The following WDFY2 variants were observed in gnomAD, a reference collection of about 807,000 sequenced individuals.
WDFY2 encodes the protein WD repeat and FYVE domain-containing protein 2.
Under a neutral mutation model 56.4 loss-of-function variants are expected in WDFY2, and 36 were observed. That is an observed-to-expected ratio of 0.64 (90% CI 0.49 to 0.84). The LOEUF (loss-of-function observed/expected upper bound fraction) is 0.84, where lower values mean the gene tolerates loss of function less well. Among genes scored for constraint, WDFY2 ranks in the 40% least tolerant of loss-of-function variants. The pLI is 0.00. For synonymous variants in WDFY2, 176 were observed against 183.7 expected, an observed-to-expected ratio of 0.96 and a Z score of 0.34; for missense variants, 444 against 512.2, an observed-to-expected ratio of 0.87 and a Z score of 1.29.
Position 51,709,980 on chromosome 13 carries a change from A to AC in WDFY2, c.334+6330_334+6331insC, listed in dbSNP as rs1391273542. Reference sequence around the variant, plus strand: ...TACCAAAGCCTGGCAGAGACACAACAAAAAAAAAGAGAATTTTAGACCAAT... The same window carrying AC: ...TACCAAAGCCTGGCAGAGACACAACACAAAAAAAAGAGAATTTTAGACCAAT... On this transcript the variant is annotated intron_variant, in intron 4 of 11. Transcript: ENST00000298125. 3.0e-3 allele frequency among the ~76,000 whole-genome samples: 457 copies of AC among 151,470 alleles called. 3 individuals carry two copies. Among genetic ancestry groups the AC allele is most frequent in the African/African-American group, 0.011 (436 of 41,180 alleles).
At chr13:51,657,812 TTCTG>T (rs1193250856) in intron 1 of WDFY2, among the ~76,000 whole-genome samples, 1 of 152,194 alleles carries the variant, frequency 6.6e-6, no homozygotes, top group East Asian at 1.9e-4. Context: ...CTTTTGAAAT[TTCTG>T]TCTCTTTATT....
rs762205175 is a variant in WDFY2, at chr13:51,761,935, C to T, written c.*2166C>T. The stretch of plus-strand genomic sequence containing the variant: ...GCTGCCCTGGTCCAGACTACCCTTG[C>T]TTGCGTCAGTCAAAACTGTTGTAAC... On this transcript the variant is annotated 3_prime_UTR_variant, in exon 12 of 12. Coordinates refer to ENST00000298125, the MANE Select transcript of WDFY2 (RefSeq NM_052950.4). 3.9e-5 allele frequency: 6 copies of T among 152,254 alleles called. No homozygotes were observed. Among genetic ancestry groups the T allele is most frequent in the Admixed American group, 2.6e-4 (4 of 15,294 alleles). The allele number at this position is 152,254 out of a possible 1,614,324, so 9.4% of individuals were successfully genotyped here.
In WDFY2 at chr13:51,655,284, G is replaced by A. The variant is rs79531248; in HGVS notation, c.138-5312G>A. The stretch of plus-strand genomic sequence containing the variant: ...TGAGCATCCTTATTACTGATTTTAG[G>A]GAGTATGTTTTCACTTTTTATTGAG... On this transcript the variant is annotated intron_variant, in intron 1 of 11. Coordinates refer to ENST00000298125, the MANE Select transcript of WDFY2 (RefSeq NM_052950.4). Among the ~76,000 whole-genome samples the A allele has an allele frequency of 1.5e-3, 232 of 152,120 alleles. 7 individuals are homozygous for A. The East Asian group carries it at 0.041, about 27-fold the overall frequency.
At chr13:51,623,725 C>T (rs1011448353) in intron 1 of WDFY2, among the ~76,000 whole-genome samples, 1 of 152,196 alleles carries the variant, frequency 6.6e-6, no homozygotes, top group African/African-American at 2.4e-5. Flanking sequence ...CATTGGGAAG[C>T]TACCTCGTTT....
rs574997078 is a variant in WDFY2 at position 51,742,081 on chromosome 13, C to T, written c.725+2906C>T. ...ACCGGGGAGAGCAGACTGGCCTCCC[C>T]AGGATAGGGAGACTGCCTTTCCTTG... On this transcript the variant is annotated intron_variant, in intron 7 of 11. Coordinates refer to ENST00000298125, the MANE Select transcript of WDFY2 (RefSeq NM_052950.4). Among the ~76,000 whole-genome samples, 75 of 152,298 alleles carry T rather than the reference C, an allele frequency of 4.9e-4. 1 individual carries two copies. Among genetic ancestry groups the T allele is most frequent in the Non-Finnish European group, 9.1e-4 (62 of 68,014 alleles).
At chr13:51,723,558 T>C (rs1952537765) in intron 5 of WDFY2, among the ~76,000 whole-genome samples, 1 of 152,204 alleles carries the variant, frequency 6.6e-6, no homozygotes, top group African/African-American at 2.4e-5. Flanking sequence ...AACTTGCTCC[T>C]TTACCTACTC....
chr13:51,670,827 C>T (rs1466004126), intron 2 of WDFY2, among the ~76,000 whole-genome samples: 1 of 152,032 alleles, frequency 6.6e-6, no homozygotes, highest in Non-Finnish European at 1.5e-5. Flanking sequence ...GCCCCTATCA[C>T]CCGACCAGTG....
chr13:51,654,750 A>G (rs964529694), intron 1 of WDFY2, among the ~76,000 whole-genome samples: 2 of 152,196 alleles, frequency 1.3e-5, no homozygotes, highest in Admixed American at 1.3e-4. Flanking sequence ...CTAACCATCC[A>G]TATGGCACTT....
At chr13:51,670,663 T>C (rs998631140) in intron 2 of WDFY2, among the ~76,000 whole-genome samples, 3 of 152,134 alleles carry the variant, frequency 2.0e-5, no homozygotes, top group African/African-American at 4.8e-5. Context: ...TTCAGGCATA[T>C]AGGTTGTAGA....
intron 1 of WDFY2, among the ~76,000 whole-genome samples, chr13:51,658,005 GTTTA>G (rs1264593108): frequency 2.0e-5 from 3 of 152,016 alleles, no homozygotes; most frequent in Non-Finnish European, 2.9e-5. Flanking sequence ...TTTTCTGTCA[GTTTA>G]TTTGTTTTTC....
At chr13:51,690,446 T>G in intron 3 of WDFY2, among the ~76,000 whole-genome samples, 1 of 150,100 alleles carries the variant, frequency 6.7e-6, no homozygotes, top group South Asian at 2.1e-4. Flanking sequence ...ATATGTGGTG[T>G]TTGGTTTTTT....
intron 8 of WDFY2, among the ~76,000 whole-genome samples, chr13:51,754,505 C>T (rs1953317606): frequency 6.6e-6 from 1 of 152,180 alleles, no homozygotes; most frequent in Admixed American, 6.5e-5. Flanking sequence ...AGTGATTGTT[C>T]CCTCCCTTTC....
chr13:51,739,612 C>T (rs937597611), intron 7 of WDFY2, among the ~76,000 whole-genome samples: 1 of 152,196 alleles, frequency 6.6e-6, no homozygotes, highest in Non-Finnish European at 1.5e-5. Flanking sequence ...ACATTTTGTA[C>T]TTGACCAAAT....
At chr13:51,741,800 C>T (rs1017870893) in intron 7 of WDFY2, among the ~76,000 whole-genome samples, 1 of 152,192 alleles carries the variant, frequency 6.6e-6, no homozygotes, top group Admixed American at 6.5e-5. Flanking sequence ...AAGACCCCAG[C>T]TGGTAGCTTA....
intron 1 of WDFY2, 74 bp from the exon 2 acceptor site, chr13:51,660,522 T>G: frequency 6.9e-7 from 1 of 1,447,030 alleles, no homozygotes; most frequent in South Asian, 1.1e-5. Flanking sequence ...TTAAGAGATT[T>G]GTTTTCTATG....
chr13:51,631,356 A>G (rs1005106645), intron 1 of WDFY2, among the ~76,000 whole-genome samples: 10 of 151,240 alleles, frequency 6.6e-5, no homozygotes, highest in African/African-American at 2.4e-4. Flanking sequence ...GTGTCATCGC[A>G]CTGCAGCCTG....
At chr13:51,694,503 A>G (rs1195773749) in intron 3 of WDFY2, among the ~76,000 whole-genome samples, 1 of 152,226 alleles carries the variant, frequency 6.6e-6, no homozygotes, top group Non-Finnish European at 1.5e-5. Context: ...AGAATGTTGA[A>G]TATTGGCCCC....
At chr13:51,719,755 GAGA>G (rs994945493) in intron 5 of WDFY2, among the ~76,000 whole-genome samples, 7 of 152,192 alleles carry the variant, frequency 4.6e-5, no homozygotes, top group African/African-American at 1.7e-4. Context: ...TGGTGCCTGG[GAGA>G]AGAACCATAG....
intron 1 of WDFY2, among the ~76,000 whole-genome samples, chr13:51,619,890 A>G (rs1316035158): frequency 9.9e-5 from 15 of 152,222 alleles, no homozygotes; most frequent in Non-Finnish European, 2.2e-4. Context: ...GGCTGCCTAT[A>G]GTTGGCTGAG....
Sources: gnomAD v4.1 joint callset for allele counts (sites outside exome capture counted in the v4.1 genomes callset) on GRCh38, gnomAD v4.1.1 for gene constraint, MANE v1.5 for transcripts, NCBI Gene and HGNC (gene_info 2026-07-23, HGNC 2026-07-21) for gene names.